CSMD3: variants seen among roughly 807,000 people sequenced by gnomAD.
CSMD3 encodes CUB and Sushi multiple domains 3.
In CSMD3, 177 loss-of-function variants were observed where a neutral mutation model predicts 435.2. The ratio of observed to expected loss-of-function variants is 0.41; its 90% confidence interval spans 0.36 to 0.46. CSMD3 has a LOEUF of 0.46. CSMD3 is among the 20% of genes least tolerant of loss of function. The pLI is 0.34. For synonymous variants in CSMD3, 1,656 were observed against 1,520.5 expected (o/e 1.09, Z -2.07); for missense variants, 4,265 against 4,504.6 (o/e 0.95, Z 1.52).
chr8:113,436,651 G>A (rs777716332), intron 1 of CSMD3, 26 bp downstream of exon 1: 8 of 1,612,270 alleles, frequency 5.0e-6, no homozygotes, highest in Admixed American at 1.7e-5. Flanking sequence ...CATCCAAAGC[G>A]GAGGGGACCC....
chr8:113,427,981 A>G lies in CSMD3; in HGVS notation c.178+8696T>C, dbSNP rs1289172786. ...TTAGGAGCTAAGGGTTATAATGTTT[A>G]CCTCTGTTTTATCTTACTTAATGTG... On this transcript the variant is annotated intron_variant, in intron 1 of 70. Coordinates refer to ENST00000297405, the MANE Select transcript of CSMD3 (RefSeq NM_198123.2). Among the ~76,000 whole-genome samples the G allele has an allele frequency of 5.9e-5, 9 of 151,766 alleles. No individual in the cohort carries two copies. The South Asian group carries it at 1.7e-3, about 28-fold the overall frequency.
At chr8:112,509,708 C>T (rs147159126) in intron 28 of CSMD3, among the ~76,000 whole-genome samples, 2 of 152,236 alleles carry the variant, frequency 1.3e-5, no homozygotes, top group African/African-American at 4.8e-5. Flanking sequence ...CTTTACATCT[C>T]CTTATAACTT....
At chr8:113,129,725 G>A (rs72685858) in intron 4 of CSMD3, among the ~76,000 whole-genome samples, 15,481 of 152,048 alleles carry the variant, frequency 0.1, 939 homozygotes, top group Middle Eastern at 0.17. Context: ...ATACACACAC[G>A]TGTAATATTA....
At position 112,682,530 on chromosome 8, in the gene CSMD3, T is replaced by C. The variant is rs2075923007; in HGVS notation, c.2589A>G (p.Gly863=). 6.2e-7 allele frequency: 1 copy of C among 1,613,504 alleles called. No homozygotes were observed. The highest frequency in any genetic ancestry group is 1.3e-5 in the African/African-American group (1 of 74,910). Reference sequence around the variant, plus strand: ...TTTCTGTTCCCTGGGTTTTAATAAATCCTTCTTCACAAATAACTGAAATTG... The same window carrying C: ...TTTCTGTTCCCTGGGTTTTAATAAACCCTTCTTCACAAATAACTGAAATTG... ...GSSISVICEE[G]FIKTQGTETI... is the part of the protein sequence containing the mutation. The change falls in exon 16 of 71, where the codon GGA becomes GGG. Residue 863 remains glycine, a synonymous_variant. Transcript: ENST00000297405.
At chr8:112,573,137 A>G (rs1056239954) in intron 24 of CSMD3, among the ~76,000 whole-genome samples, 24 of 152,142 alleles carry the variant, frequency 1.6e-4, no homozygotes, top group African/African-American at 5.8e-4. Flanking sequence ...TAATCATTGC[A>G]TCTTTGCAGT....
At chr8:112,918,722 A>T (rs1043663116) in intron 10 of CSMD3, among the ~76,000 whole-genome samples, 1 of 151,928 alleles carries the variant, frequency 6.6e-6, no homozygotes. Flanking sequence ...TTGTGTAAAA[A>T]ATATTAATAT....
At chr8:112,459,705 A>G (rs912866026) in intron 32 of CSMD3, among the ~76,000 whole-genome samples, 2 of 152,140 alleles carry the variant, frequency 1.3e-5, no homozygotes, top group Non-Finnish European at 2.9e-5. Context: ...TCTGAAGCAA[A>G]GTGAGAACAC....
chr8:112,535,085 G>C lies in CSMD3; in HGVS notation c.4564+15586C>G, dbSNP rs1344211601. Among the ~76,000 whole-genome samples the C allele has an allele frequency of 2.0e-5, 3 of 152,226 alleles. No homozygotes were observed. In the East Asian group the frequency reaches 5.8e-4, roughly 29 times the overall value. ...CCACAGCCAATATGGGCAAAAACTG[G>C]AAGCATTCCCTTTGAAAACTGGCAC... On this transcript the variant is annotated intron_variant, in intron 27 of 70. Coordinates refer to ENST00000297405, the MANE Select transcript of CSMD3 (RefSeq NM_198123.2).
chr8:112,323,125 A>G (rs1823157122), intron 45 of CSMD3, among the ~76,000 whole-genome samples: 2 of 148,978 alleles, frequency 1.3e-5, no homozygotes, highest in Admixed American at 6.8e-5. Context: ...TGAATAAAAA[A>G]GTAAAGGGGA....
At chr8:112,613,617 A>G (rs1055768127) in intron 22 of CSMD3, among the ~76,000 whole-genome samples, 1 of 152,080 alleles carries the variant, frequency 6.6e-6, no homozygotes, top group East Asian at 1.9e-4. Context: ...GGCACACTAC[A>G]CTTTGCAAGA....
At chr8:113,215,062 TATAG>T in intron 3 of CSMD3, among the ~76,000 whole-genome samples, 1 of 152,020 alleles carries the variant, frequency 6.6e-6, no homozygotes, top group East Asian at 1.9e-4. Context: ...CAGAGCCACA[TATAG>T]AGAGGACAAT....
At chr8:112,853,011 T>C (rs528278970) in intron 11 of CSMD3, among the ~76,000 whole-genome samples, 76 of 152,316 alleles carry the variant, frequency 5.0e-4, no homozygotes, top group African/African-American at 1.3e-3. Flanking sequence ...TTAGTAATGT[T>C]ATATATTTAC....
chr8:112,576,195 A>G (rs1045812559), intron 23 of CSMD3, among the ~76,000 whole-genome samples: 5 of 152,098 alleles, frequency 3.3e-5, no homozygotes, highest in African/African-American at 1.2e-4. Context: ...CTGGGGAAAT[A>G]AAAATTGGAT....
intron 29 of CSMD3, 117 bp downstream of exon 29, chr8:112,506,574 T>C (rs1168873682): frequency 1.9e-6 from 2 of 1,033,084 alleles, no homozygotes; most frequent in Non-Finnish European, 2.9e-6. Context: ...CTGGGATAAG[T>C]AAAAAATAAC....
At chr8:112,990,239 A>T (rs923815509) in intron 6 of CSMD3, among the ~76,000 whole-genome samples, 2 of 151,982 alleles carry the variant, frequency 1.3e-5, no homozygotes, top group African/African-American at 4.8e-5. Context: ...AAGGAGCAAA[A>T]CTGAAGTGTC....
intron 4 of CSMD3, among the ~76,000 whole-genome samples, chr8:113,109,165 A>G (rs1305831422): frequency 6.6e-6 from 1 of 152,262 alleles, no homozygotes; most frequent in Admixed American, 6.5e-5. Context: ...ATTTATGACA[A>G]CAGCAACACT....
chr8:112,605,504 T>A (rs1208360259), intron 22 of CSMD3, among the ~76,000 whole-genome samples: 1 of 152,210 alleles, frequency 6.6e-6, no homozygotes, highest in Admixed American at 6.5e-5. Context: ...GAGACCATTA[T>A]CCTAAGCAAA....
intron 13 of CSMD3, among the ~76,000 whole-genome samples, chr8:112,795,849 G>A (rs2078815330): frequency 6.6e-6 from 1 of 151,846 alleles, no homozygotes; most frequent in African/African-American, 2.4e-5. Context: ...TAAATACTGT[G>A]GCCAAATACC....
chr8:112,872,667 C>T (rs1455817447), intron 10 of CSMD3, among the ~76,000 whole-genome samples: 1 of 151,842 alleles, frequency 6.6e-6, no homozygotes, highest in African/African-American at 2.4e-5. Context: ...TGAATCATCC[C>T]ATTAGTATTA....
Sources: gnomAD v4.1 joint callset for allele counts (sites outside exome capture counted in the v4.1 genomes callset) on GRCh38, gnomAD v4.1.1 for gene constraint, MANE v1.5 for transcripts, NCBI Gene and HGNC (gene_info 2026-07-23, HGNC 2026-07-21) for gene names.